PCM1: variants seen among roughly 807,000 people sequenced by gnomAD.
PCM1 encodes the protein pericentriolar material 1 protein.
A neutral mutation model predicts 241.9 loss-of-function variants in PCM1; 157 were observed. The observed-to-expected ratio is 0.65, with a 90% CI of 0.57 to 0.74. PCM1 has a LOEUF of 0.74. Ranked by LOEUF, PCM1 falls within the 30% of genes least tolerant of loss-of-function variation. PCM1 has a pLI of 0.00. For missense variants in PCM1, 3,478 were observed against 2,360.1 expected, an observed-to-expected ratio of 1.47 and a Z score of -9.81; for synonymous variants, 1,085 against 784.9, an observed-to-expected ratio of 1.38 and a Z score of -6.39.
intron 2 of PCM1, among the ~76,000 whole-genome samples, chr8:17,929,956 T>C (rs1585547259): frequency 6.6e-6 from 1 of 152,312 alleles, no homozygotes; most frequent in South Asian, 2.1e-4. Flanking sequence ...CTGACCATGG[T>C]TGACTATGGG....
chr8:18,020,018 C>T (rs1480483067), intron 36 of PCM1, among the ~76,000 whole-genome samples: 2 of 152,172 alleles, frequency 1.3e-5, no homozygotes, highest in Non-Finnish European at 2.9e-5. Flanking sequence ...CTGGCTTCCC[C>T]CTTGCCTGAA....
At chr8:18,014,150 C>T (rs1029264550) in intron 35 of PCM1, 114 bp downstream of exon 35, 2 of 646,420 alleles carry the variant, frequency 3.1e-6, no homozygotes, top group East Asian at 2.9e-5. Context: ...TTTGAAAGTA[C>T]TTTGGACCTG....
At chr8:18,015,065 A>ATAAAAAGATTTCATCT (rs1260044306) in intron 36 of PCM1, among the ~76,000 whole-genome samples, 1 of 152,226 alleles carries the variant, frequency 6.6e-6, no homozygotes, top group African/African-American at 2.4e-5. Context: ...AACCAAAGGG[A>ATAAAAAGATTTCATCT]TAAAAAGATT....
chr8:17,966,121 T>C lies in PCM1; in HGVS notation c.2978T>C (p.Val993Ala), dbSNP rs1363728133. 1 of 1,612,516 alleles carries C rather than the reference T, an allele frequency of 6.2e-7. No homozygotes were observed. Among genetic ancestry groups the C allele is most frequent in the South Asian group, 1.1e-5 (1 of 91,044 alleles). Residue 993 changes from valine (V) to alanine (A), a missense_variant, in exon 19 of 39, where the codon GTA becomes GCA. By Grantham distance (64) the Val-to-Ala change is moderately conservative. Transcript: ENST00000325083. Reference sequence around the variant, plus strand: ...CGTTGGGTGTCAGAGCTCTCTTACGTAGAAGAGAAAGAACAATGGCAAGAA... The same window carrying C: ...CGTTGGGTGTCAGAGCTCTCTTACGCAGAAGAGAAAGAACAATGGCAAGAA... Reference protein sequence around the residue: ...NLRWVSELSYVEEKEQWQEQI... With the variant: ...NLRWVSELSYAEEKEQWQEQI...
chr8:17,924,691 A>C (rs1282264201), intron 1 of PCM1, 22 bp from the exon 2 acceptor site: 3 of 152,252 alleles, frequency 2.0e-5, no homozygotes, highest in Non-Finnish European at 4.4e-5. Flanking sequence ...CTTAAGTGAT[A>C]CATATTTTTA....
chr8:18,021,992 C>T (rs1275047346), intron 36 of PCM1, among the ~76,000 whole-genome samples: 1 of 152,146 alleles, frequency 6.6e-6, no homozygotes, highest in East Asian at 1.9e-4. Flanking sequence ...GACTGGCTTC[C>T]ATAACTTAGA....
At position 18,025,618 on chromosome 8, in the gene PCM1, C is replaced by T. The variant is rs749466442; in HGVS notation, c.6009C>T (p.Thr2003=). The change falls in exon 38 of 39, where the codon ACC becomes ACT. Residue 2003 remains threonine, a synonymous_variant. Transcript: ENST00000325083. ...CTGGTGAAATATGTGAAATGCAGAC[C>T]GAAGAATTAGCTGGAAATTCTGAGA... ...HLSGEICEMQ[T]EELAGNSETL... 2.5e-5 allele frequency: 40 copies of T among 1,576,348 alleles called. No homozygotes were observed. Among genetic ancestry groups the T allele is most frequent in the South Asian group, 4.7e-5 (4 of 85,304 alleles).
chr8:18,011,546 T>C, intron 33 of PCM1, 121 bp from the exon 34 acceptor site: 1 of 1,095,168 alleles, frequency 9.1e-7, no homozygotes, highest in Non-Finnish European at 1.3e-6. Flanking sequence ...TAATACATTC[T>C]GTTTGAGGAT....
chr8:17,962,011 G>T, intron 15 of PCM1, 23 bp from the exon 16 acceptor site: 2 of 1,592,098 alleles, frequency 1.3e-6, no homozygotes, highest in Non-Finnish European at 8.6e-7. Context: ...TCCTCATAAC[G>T]TTTTTTGTGA....
At chr8:17,988,237 G>A (rs750927946) in intron 26 of PCM1, among the ~76,000 whole-genome samples, 2 of 151,708 alleles carry the variant, frequency 1.3e-5, no homozygotes, top group Non-Finnish European at 3.0e-5. Context: ...CCTAAAATAC[G>A]TTCCTTAATG....
At chr8:17,956,270 C>T (rs1034500015) in intron 10 of PCM1, among the ~76,000 whole-genome samples, 2 of 152,150 alleles carry the variant, frequency 1.3e-5, no homozygotes, top group African/African-American at 4.8e-5. Context: ...AGTAGTACTT[C>T]ACACTTTTGA....
At chr8:17,970,061 T>C (rs1184176747) in intron 22 of PCM1, among the ~76,000 whole-genome samples, 2 of 152,200 alleles carry the variant, frequency 1.3e-5, no homozygotes, top group African/African-American at 2.4e-5. Context: ...TATTAACTGC[T>C]AGAAGATAGT....
At chr8:17,943,663 C>G (rs118070828) in intron 6 of PCM1, among the ~76,000 whole-genome samples, 2,568 of 151,944 alleles carry the variant, frequency 0.017, 38 homozygotes, top group South Asian at 0.043. Context: ...TTTCTTGATT[C>G]TTAAGGCTGT....
chr8:17,937,541 T>A (rs1285316076), intron 4 of PCM1, among the ~76,000 whole-genome samples, 162 bp downstream of exon 4: 1 of 152,212 alleles, frequency 6.6e-6, no homozygotes, highest in Non-Finnish European at 1.5e-5. Context: ...TGGTCCTGTC[T>A]TCTTTAGAAG....
chr8:18,013,860 T>C (rs1438260120), intron 34 of PCM1, 104 bp from the exon 35 acceptor site: 13 of 662,360 alleles, frequency 2.0e-5, no homozygotes, highest in Non-Finnish European at 2.1e-5. Context: ...TAAATTTCTT[T>C]GTATGAAGGT....
intron 5 of PCM1, 69 bp from the exon 6 acceptor site, chr8:17,939,622 A>T: frequency 7.6e-6 from 6 of 790,818 alleles, no homozygotes; most frequent in Non-Finnish European, 1.1e-5. Context: ...TTGCTATTGA[A>T]CTAATTATCC....
At position 17,930,101 on chromosome 8, in the gene PCM1, CTTTTTTTTTT is replaced by C. The variant is rs3988353; in HGVS notation, c.-23+5332_-23+5341del. On this transcript the variant is annotated intron_variant, in intron 2 of 38. Coordinates refer to ENST00000325083, the MANE Select transcript of PCM1 (RefSeq NM_006197.4). ...AGTCTTTTCGTTATTGGAATACTTC[CTTTTTTTTTT>C]TTTTTTTTTTGAGACAGAGTCTCGC... 1.1e-3 allele frequency among the ~76,000 whole-genome samples: 119 copies of C among 109,292 alleles called. 1 individual carries two copies. The highest frequency in any genetic ancestry group is 3.9e-3 in the African/African-American group (117 of 30,260). The allele number at this position is 109,292 out of a possible 152,430, so 71.7% of individuals were successfully genotyped here. A position where few individuals can be genotyped will look rare whatever the true frequency, so the allele number is the denominator to read the frequency against.
intron 13 of PCM1, 85 bp downstream of exon 13, chr8:17,957,860 T>A: frequency 1.2e-6 from 1 of 853,214 alleles, no homozygotes; most frequent in Non-Finnish European, 1.8e-6. Flanking sequence ...TACTTTGGTT[T>A]AATTATACTA....
At chr8:17,966,516 C>T (rs746407721) in intron 20 of PCM1, 43 bp downstream of exon 20, 19 of 1,566,592 alleles carry the variant, frequency 1.2e-5, no homozygotes, top group East Asian at 9.0e-5. Context: ...TAAGAGCTAA[C>T]ATTGAGCAGA....
Sources: allele counts gnomAD v4.1 joint callset (sites outside exome capture counted in the v4.1 genomes callset), GRCh38; gene constraint gnomAD v4.1.1; transcripts MANE v1.5; gene names NCBI Gene and HGNC (gene_info 2026-07-23, HGNC 2026-07-21).